The following MUC5B variants were observed in gnomAD, a reference collection of about 807,000 sequenced individuals.
The protein encoded by MUC5B is mucin 5B, oligomeric mucus/gel-forming.
A neutral mutation model predicts 376.9 loss-of-function variants in MUC5B; 116 were observed. The observed-to-expected ratio is 0.31, with a 90% confidence interval of 0.26 to 0.36. MUC5B has a LOEUF of 0.36. MUC5B is among the 10% of genes least tolerant of loss of function. MUC5B has a pLI of 1.00. For synonymous variants in MUC5B, 3,517 were observed against 3,390.9 expected, an observed-to-expected ratio of 1.04 and a Z score of -1.29; for missense variants, 7,165 against 7,769.9, an observed-to-expected ratio of 0.92 and a Z score of 2.93.
Position 1,249,422 on chromosome 11 carries a change from G to C in MUC5B, c.12542G>C (p.Gly4181Ala), listed in dbSNP as rs550662885. The C allele has an allele frequency of 4.8e-5, 78 of 1,611,424 alleles. 1 individual carries two copies. In the East Asian group the frequency reaches 1.5e-3, roughly 31 times the overall value. ...GLECRAQAQP[G>A]VPLGELGQVV... ...GAGTGCCGTGCCCAGGCCCAGCCTG[G>C]TGTCCCCCTGGGGGAGTTGGGCCAG... The change falls in exon 31 of 49, where the codon GGT becomes GCT. Residue 4181 changes from glycine to alanine, a missense_variant. By Grantham distance (60) the Gly-to-Ala change is moderately conservative. Transcript: ENST00000529681.
In MUC5B at chr11:1,260,345, CA is replaced by C. The variant is rs1862966773; in HGVS notation, c.16924-5del. ...AGCCCTGCCCCCTGTCTTTGGCCCC[CA>C]CCAGGGGAGCCTCAGGAAAACCGGC... On this transcript the variant is annotated splice_region_variant and splice_polypyrimidine_tract_variant and intron_variant, in intron 46 of 48. Coordinates refer to ENST00000529681, the MANE Select transcript of MUC5B (RefSeq NM_002458.3). 3 of 1,612,326 alleles carry C rather than the reference CA, an allele frequency of 1.9e-6. No homozygotes were observed. The African/African-American group carries it at 4.0e-5, about 22-fold the overall frequency.
Position 1,249,605 on chromosome 11 carries a change from C to G in MUC5B, c.12725C>G (p.Ser4242Cys). The G allele has an allele frequency of 6.2e-7, 1 of 1,611,926 alleles. No homozygotes were observed. The change falls in exon 31 of 49, where the codon TCC (serine) becomes TGC (cysteine). Residue 4242 changes from serine (S) to cysteine (C), a missense_variant. Transcript: ENST00000529681. ...ACCAGCTCTACGGCCATGCCCTCCT[C>G]CACTCCGGGGACGACCTGGATCCTC... ...PATSSTAMPS[S>C]TPGTTWILTE...
intron 30 of MUC5B, 24 bp from the exon 31 acceptor site, chr11:1,240,827 A>T (rs573437429): frequency 2.1e-5 from 33 of 1,581,962 alleles, no homozygotes; most frequent in Non-Finnish European, 2.7e-5. Context: ...CTGAGCCAGG[A>T]CCCCTTTCCC....
chr11:1,246,600 C>G lies in MUC5B; in HGVS notation c.9720C>G (p.Ile3240Met), dbSNP rs1344661387. The G allele has an allele frequency of 6.2e-7, 1 of 1,613,228 alleles. No individual in the cohort carries two copies. Among genetic ancestry groups the G allele is most frequent in the African/African-American group, 1.3e-5 (1 of 74,712 alleles). Reference protein sequence around the residue: ...TTPTATSVTAIPSSSLGTAWT... With the variant: ...TTPTATSVTAMPSSSLGTAWT... Reference sequence around the variant, plus strand: ...CCACAGCTACCAGCGTTACAGCCATCCCCTCTTCCTCCCTGGGCACCGCCT... The same window carrying G: ...CCACAGCTACCAGCGTTACAGCCATGCCCTCTTCCTCCCTGGGCACCGCCT... The change falls in exon 31 of 49, where the codon ATC becomes ATG. Residue 3240 changes from isoleucine (I) to methionine (M), a missense_variant. This residue lies in a region of MUC5B where 939 missense variants were observed against 770.6 expected (regional missense o/e 1.22). Transcript: ENST00000529681.
rs777530154 is a variant in MUC5B, at chr11:1,250,408, C to T, written c.13528C>T (p.Leu4510=). ...SPGTATALPA[L]RSTATTPTAT... ...AGGGACTGCAACTGCCCTTCCAGCA[C>T]TGAGAAGCACAGCCACCACACCCAC... The change falls in exon 31 of 49, where the codon CTG becomes TTG. Residue 4510 remains leucine, a synonymous_variant. Coordinates refer to ENST00000529681, the MANE Select transcript of MUC5B (RefSeq NM_002458.3). 10 of 1,613,070 alleles carry T rather than the reference C, an allele frequency of 6.2e-6. No individual in the cohort carries two copies. The South Asian group carries it at 1.1e-4, about 18-fold the overall frequency.
rs766365366 is a variant in MUC5B at position 1,235,422 on chromosome 11, G to C, written c.2880+9G>C. 3 of 1,607,666 alleles carry C rather than the reference G, an allele frequency of 1.9e-6. No individual in the cohort carries two copies. In the African/African-American group the frequency reaches 4.0e-5, roughly 22 times the overall value. Reference sequence around the variant, plus strand: ...TCAAGCTCTTCGTGGAGGTGAGAACGGCCCCAGCTGTGAGCACCCCCGACC... The same window carrying C: ...TCAAGCTCTTCGTGGAGGTGAGAACCGCCCCAGCTGTGAGCACCCCCGACC... On this transcript the variant is annotated intron_variant, in intron 23 of 48. Transcript: ENST00000529681.
rs1373656542 is a variant in MUC5B, at chr11:1,255,099, C to T, written c.15723C>T (p.Ala5241=). ...DCLQRDGTTA[A]SCKDMAKTWL... ...TCCAGCGGGACGGAACCACTGCCGC[C>T]AGTTGCAAGGACATGGCCAAGACGT... Residue 5241 remains alanine (A), a synonymous_variant, in exon 36 of 49, where the codon GCC becomes GCT. Transcript: ENST00000529681. 6.3e-7 allele frequency: 1 copy of T among 1,592,154 alleles called. No individual in the cohort carries two copies. The highest frequency in any genetic ancestry group is 1.1e-5 in the South Asian group (1 of 87,634).
intron 1 of MUC5B, among the ~76,000 whole-genome samples, chr11:1,224,612 G>T (rs1028246673): frequency 4.6e-5 from 7 of 151,176 alleles, no homozygotes; most frequent in Admixed American, 4.6e-4. Flanking sequence ...TGCCTGCGGC[G>T]GGAGCCGGGG....
Position 1,251,388 on chromosome 11 carries a change from C to T in MUC5B, c.14508C>T (p.Ala4836=), listed in dbSNP as rs1862687210. ...ATTTAATGST[A]TLSSTPGTTW... ...CAACTGCAGCCACTGGATCCACGGCCACCCTGTCCTCCACCCCAGGGACCA... is the reference window on the plus strand; with the variant it reads ...CAACTGCAGCCACTGGATCCACGGCTACCCTGTCCTCCACCCCAGGGACCA... Residue 4836 remains alanine, a synonymous_variant, in exon 31 of 49, where the codon GCC becomes GCT. Coordinates refer to ENST00000529681, the MANE Select transcript of MUC5B (RefSeq NM_002458.3). 3 of 1,612,586 alleles carry T rather than the reference C, an allele frequency of 1.9e-6. No homozygotes were observed. Among genetic ancestry groups the T allele is most frequent in the East Asian group, 4.5e-5 (2 of 44,870 alleles).
At position 1,261,536 on chromosome 11, in the gene MUC5B, C is replaced by T. The variant is rs1052663; in HGVS notation, c.17217C>T (p.Pro5739=). 1 of 1,608,084 alleles carries T rather than the reference C, an allele frequency of 6.2e-7. No individual in the cohort carries two copies. The highest frequency in any genetic ancestry group is 8.5e-7 in the Non-Finnish European group (1 of 1,178,206). Residue 5739 remains proline, a synonymous_variant, in exon 49 of 49, where the codon CCC becomes CCT. Transcript: ENST00000529681. Reference sequence around the variant, plus strand: ...ACGTGGATGAGTGTGGCTGCACGCCCTTCTGTGTCCCTGCGCCCATGGCTC... The same window carrying T: ...ACGTGGATGAGTGTGGCTGCACGCCTTTCTGTGTCCCTGCGCCCATGGCTC... The part of the protein sequence containing the change: ...YTHVDECGCT[P]FCVPAPMAPP...
At position 1,249,992 on chromosome 11, in the gene MUC5B, C is replaced by G; in HGVS notation, c.13112C>G (p.Thr4371Ser). ...TCCACAGTGCTGACCACGAAGGCCA[C>G]CACGACAAGGGCCACCAGTTCCACG... is the stretch of plus-strand genomic sequence containing the variant. ...HTSTVLTTKA[T>S]TTRATSSTST... is the part of the protein sequence containing the mutation. Residue 4371 changes from threonine (T) to serine (S), a missense_variant, in exon 31 of 49, where the codon ACC becomes AGC. Coordinates refer to ENST00000529681, the MANE Select transcript of MUC5B (RefSeq NM_002458.3). 1.3e-6 allele frequency: 2 copies of G among 1,591,764 alleles called. No individual in the cohort carries two copies. Among genetic ancestry groups the G allele is most frequent in the Middle Eastern group, 1.7e-4 (1 of 5,976 alleles).
At chr11:1,252,021 A>C (rs117623167) in intron 31 of MUC5B, among the ~76,000 whole-genome samples, 2,400 of 91,400 alleles carry the variant, frequency 0.026, 50 homozygotes, top group Non-Finnish European at 0.035. Context: ...TCTCCCCTGG[A>C]CACAATCCAT....
In MUC5B at chr11:1,257,560, T is replaced by C; in HGVS notation, c.16300T>C (p.Ser5434Pro). 6.2e-7 allele frequency: 1 copy of C among 1,608,404 alleles called. No homozygotes were observed. ...GGAGCGGTGGGTCAGCAACTGCCAG[T>C]CCTGCGTGTGTGACGAGGGTTCAGT... ...PGERWVSNCQ[S>P]CVCDEGSVSV... Residue 5434 changes from serine (S) to proline (P), a missense_variant, in exon 41 of 49, where the codon TCC (serine) becomes CCC (proline). By Grantham distance (74) the Ser-to-Pro change is moderately conservative (BLOSUM62 -1). Transcript: ENST00000529681. This position sits in a 1 kb window ranked among gnomAD's most constrained non-coding sequence, Gnocchi z 8.9.
rs758312663 is a variant in MUC5B at position 1,248,385 on chromosome 11, A to G, written c.11505A>G (p.Thr3835=). 10 of 1,612,636 alleles carry G rather than the reference A, an allele frequency of 6.2e-6. No individual in the cohort carries two copies. Among genetic ancestry groups the G allele is most frequent in the Admixed American group, 1.7e-5 (1 of 59,902 alleles). ...SSTPETAHTS[T]VLTTTATTTR... The stretch of plus-strand genomic sequence containing the variant: ...CTCCAGAGACTGCCCACACCTCCAC[A>G]GTGCTTACCACCACGGCCACCACAA... Residue 3835 remains threonine (T), a synonymous_variant, in exon 31 of 49, where the codon ACA becomes ACG. Transcript: ENST00000529681.
In MUC5B at chr11:1,227,398, A is replaced by C; in HGVS notation, c.667A>C (p.Asn223His). The C allele has an allele frequency of 6.2e-7, 1 of 1,606,568 alleles. No individual in the cohort carries two copies. The highest frequency in any genetic ancestry group is 8.5e-7 in the Non-Finnish European group (1 of 1,175,144). The stretch of plus-strand genomic sequence containing the variant: ...GGCCTTCAACGAGTTCTATGCCCAC[A>C]GTGAGTGCCACCTGGGTGAGGGGGC... ...LPAFNEFYAH[N>H]ARLTPLQFGN... The change falls in exon 6 of 49, where the codon AAC (asparagine) becomes CAC (histidine). Residue 223 changes from asparagine (N) to histidine (H), a missense_variant and splice_region_variant. Asn to His is a moderately conservative substitution (Grantham distance 68). Transcript: ENST00000529681.
rs56021061 is a variant in MUC5B at position 1,236,831 on chromosome 11, C to T, written c.3058-94C>T. 78,257 of 1,376,214 alleles carry T rather than the reference C, an allele frequency of 0.057. 2,667 individuals are homozygous for T. Among genetic ancestry groups the T allele is most frequent in the East Asian group, 0.1 (3,865 of 37,304 alleles). 85.3% of individuals were successfully genotyped at this position (1,376,214 alleles called of 1,614,324 possible). A position where few individuals can be genotyped will look rare whatever the true frequency, so the allele number is the denominator to read the frequency against. ...AACCGGCTGCCCTCCCTCCATCCCC[C>T]GAGGGCTCTGGAGCCCAGGGTGGGC... On this transcript the variant is annotated intron_variant, in intron 24 of 48. Transcript: ENST00000529681.
At position 1,233,213 on chromosome 11, in the gene MUC5B, G is replaced by T; in HGVS notation, c.2266G>T (p.Ala756Ser). The change falls in exon 18 of 49, where the codon GCT becomes TCT. Residue 756 changes from alanine to serine, a missense_variant. Around this residue, in one of 31 missense-constraint regions of MUC5B, gnomAD observed 530 missense variants for 604.0 expected, o/e 0.88. Coordinates refer to ENST00000529681, the MANE Select transcript of MUC5B (RefSeq NM_002458.3). Reference sequence around the variant, plus strand: ...GCCCGCCCAGGAGTGCCCCTGCTACGCTCACGGCACCGTGCTGGCTCCTGG... The same window carrying T: ...GCCCGCCCAGGAGTGCCCCTGCTACTCTCACGGCACCGTGCTGGCTCCTGG... ...CVPAQECPCY[A>S]HGTVLAPGEV... 6.3e-7 allele frequency: 1 copy of T among 1,599,426 alleles called. No individual in the cohort carries two copies. Among genetic ancestry groups the T allele is most frequent in the Non-Finnish European group, 8.5e-7 (1 of 1,176,430 alleles).
At chr11:1,256,248 C>T (rs745879989) in intron 38 of MUC5B, 23 bp downstream of exon 38, 8 of 718,820 alleles carry the variant, frequency 1.1e-5, no homozygotes, top group Middle Eastern at 4.6e-4. Flanking sequence ...ATGGCTGGTG[C>T]CTTCCCTGCC....
chr11:1,234,741 G>A lies in MUC5B; in HGVS notation c.2630+61G>A, dbSNP rs1351414387. On this transcript the variant is annotated intron_variant, in intron 21 of 48. Coordinates refer to ENST00000529681, the MANE Select transcript of MUC5B (RefSeq NM_002458.3). This position sits in a 1 kb window ranked among gnomAD's most constrained non-coding sequence, Gnocchi z 6.3. ...AGGGCGGGGGCGGGGAGGGCAGCGG[G>A]TGGGGAGGCAGCGGGCAGGGAGGGC... The A allele has an allele frequency of 3.6e-6, 3 of 828,478 alleles. No homozygotes were observed. The East Asian group carries it at 8.6e-5, about 24-fold the overall frequency. The allele number at this position is 828,478 out of a possible 1,614,324, so 51.3% of individuals were successfully genotyped here.
Sources: gnomAD v4.1 joint callset for allele counts (sites outside exome capture counted in the v4.1 genomes callset) on GRCh38, gnomAD v4.1.1 for gene constraint, gnomAD v4.1.1 regional missense constraint, Gnocchi (gnomAD v3.1) non-coding constraint, MANE v1.5 for transcripts, NCBI Gene and HGNC (gene_info 2026-07-23, HGNC 2026-07-21) for gene names.